The following RBPMS variants were observed in gnomAD, a reference collection of about 807,000 sequenced individuals.
RBPMS encodes RNA-binding protein with multiple splicing.
In RBPMS, 7 loss-of-function variants were observed where a neutral mutation model predicts 26.8. The observed-to-expected ratio is 0.26, with a 90% CI of 0.15 to 0.49. The LOEUF (loss-of-function observed/expected upper bound fraction) is 0.49, where lower values mean the gene tolerates loss of function less well. Ranked by LOEUF, RBPMS falls within the 20% of genes least tolerant of loss-of-function variation. The probability of loss-of-function intolerance (pLI) is 0.98; values close to 1 mark genes in which losing one functional copy is unlikely to be tolerated. For missense variants in RBPMS, 186 were observed against 250.0 expected, an observed-to-expected ratio of 0.74 and a Z score of 1.73; for synonymous variants, 96 against 93.3, an observed-to-expected ratio of 1.03 and a Z score of -0.17.
intron 4 of RBPMS, among the ~76,000 whole-genome samples, chr8:30,490,866 T>C (rs945010308): frequency 2.6e-5 from 4 of 152,306 alleles, no homozygotes; most frequent in Admixed American, 1.3e-4. Flanking sequence ...AGTGGCGAGA[T>C]AGGTTTTGCC....
chr8:30,561,845 G>A (rs971534294), intron 7 of RBPMS: 1 of 984,868 alleles, frequency 1.0e-6, no homozygotes, highest in Admixed American at 6.2e-5. Flanking sequence ...CCACAGAGAA[G>A]ACATCCATTG....
intron 1 of RBPMS, among the ~76,000 whole-genome samples, chr8:30,438,383 A>G (rs1812709501): frequency 6.6e-6 from 1 of 152,236 alleles, no homozygotes; most frequent in African/African-American, 2.4e-5. Flanking sequence ...GGAACCAGGA[A>G]GTGTTGACGT....
At chr8:30,547,070 G>GCAAAGGGAAT (rs1237173926) in intron 6 of RBPMS, among the ~76,000 whole-genome samples, 4 of 152,200 alleles carry the variant, frequency 2.6e-5, no homozygotes, top group Admixed American at 1.3e-4. Flanking sequence ...TGGAGGCAAA[G>GCAAAGGGAAT]CAAAGGGAAT....
chr8:30,511,015 A>T (rs559055484), intron 5 of RBPMS, among the ~76,000 whole-genome samples: 1 of 151,936 alleles, frequency 6.6e-6, no homozygotes, highest in African/African-American at 2.4e-5. Flanking sequence ...TCAACTTCTT[A>T]TTGAAAAAAA....
intron 1 of RBPMS, chr8:30,446,859 G>GTGC (rs1191162236): frequency 6.8e-6 from 1 of 148,008 alleles, no homozygotes; most frequent in African/African-American, 2.6e-5. Context: ...GCGCGCGCGC[G>GTGC]GTGGAGGGTA....
intron 5 of RBPMS, among the ~76,000 whole-genome samples, chr8:30,533,930 G>A (rs1451521169): frequency 2.0e-5 from 3 of 152,004 alleles, no homozygotes; most frequent in African/African-American, 4.8e-5. Context: ...TCAGGAGTTC[G>A]AGACCAGCCT....
At chr8:30,539,347 T>C (rs1825137741) in intron 5 of RBPMS, among the ~76,000 whole-genome samples, 1 of 152,112 alleles carries the variant, frequency 6.6e-6, no homozygotes, top group African/African-American at 2.4e-5. Context: ...AGTGGGGGCA[T>C]CACCCACCCC....
rs541766519 is a variant in RBPMS at position 30,480,852 on chromosome 8, T to A, written c.246+1475T>A. Among the ~76,000 whole-genome samples the A allele has an allele frequency of 2.0e-3, 301 of 152,338 alleles. 2 individuals carry two copies. Among genetic ancestry groups the A allele is most frequent in the African/African-American group, 7.0e-3 (290 of 41,576 alleles). ...TTTTATTTTAACCAGGTGGGAACCT[T>A]CTAAATGCAGAAATATTCTGGGTCC... On this transcript the variant is annotated intron_variant, in intron 4 of 8. Transcript: ENST00000397323.
At chr8:30,385,818 A>T (rs1348429518) in intron 1 of RBPMS, among the ~76,000 whole-genome samples, 4 of 152,182 alleles carry the variant, frequency 2.6e-5, no homozygotes, top group African/African-American at 9.7e-5. Context: ...GGGTATTTTC[A>T]TAGGACTTTG....
intron 4 of RBPMS, among the ~76,000 whole-genome samples, chr8:30,492,659 T>TA (rs1350896145): frequency 2.0e-5 from 3 of 151,994 alleles, no homozygotes; most frequent in African/African-American, 7.2e-5. Context: ...GAAAAAAAAA[T>TA]ACAAGCTACT....
At chr8:30,508,062 T>G (rs1355114585) in intron 5 of RBPMS, among the ~76,000 whole-genome samples, 1 of 152,114 alleles carries the variant, frequency 6.6e-6, no homozygotes, top group Non-Finnish European at 1.5e-5. Flanking sequence ...ATAAGATTTT[T>G]AAAGAGATGA....
In RBPMS at chr8:30,557,322, C is replaced by G. The variant is rs1827025829; in HGVS notation, c.529-1565C>G. ...GGCCGCCTTGTGCTCGGACCAGGGA[C>G]AAGGTCGGGGTGCTGTGTCGGATTT... On this transcript the variant is annotated intron_variant, in intron 6 of 8. Transcript: ENST00000397323. Among the ~76,000 whole-genome samples the G allele has an allele frequency of 2.0e-5, 3 of 152,286 alleles. No individual in the cohort carries two copies. In the South Asian group the frequency reaches 6.2e-4, roughly 32 times the overall value.
intron 5 of RBPMS, among the ~76,000 whole-genome samples, chr8:30,504,734 A>G (rs370158298): frequency 5.3e-5 from 8 of 152,290 alleles, no homozygotes; most frequent in African/African-American, 1.7e-4. Context: ...TGCCTTGGGT[A>G]TAAACCCTTC....
chr8:30,442,497 C>G (rs574321492), intron 1 of RBPMS: 2 of 151,910 alleles, frequency 1.3e-5, no homozygotes, highest in African/African-American at 4.9e-5. Context: ...TTCTGTAAAC[C>G]TTCGCAGCCA....
intron 1 of RBPMS, among the ~76,000 whole-genome samples, chr8:30,421,463 A>G (rs1429929166): frequency 6.6e-6 from 1 of 152,138 alleles, no homozygotes; most frequent in Non-Finnish European, 1.5e-5. Context: ...TGTTTTTGTT[A>G]TGTTTGTGTT....
Position 30,384,600 on chromosome 8 carries a change from C to G in RBPMS, c.-493C>G, listed in dbSNP as rs1477998107. 1 of 157,312 alleles carries G rather than the reference C, an allele frequency of 6.4e-6. No individual in the cohort carries two copies. The highest frequency in any genetic ancestry group is 1.4e-5 in the Non-Finnish European group (1 of 71,866). The allele number at this position is 157,312 out of a possible 1,614,324, so 9.7% of individuals were successfully genotyped here. ...GGGTCCCAGCGTCCCAGCCGCGGCC[C>G]GCGCTCCTCCGCCCCGCTCCTCCTC... On this transcript the variant is annotated 5_prime_UTR_variant, in exon 1 of 9. Coordinates refer to ENST00000397323, the MANE Select transcript of RBPMS (RefSeq NM_001008710.3). This position sits in a 1 kb window ranked among gnomAD's most constrained non-coding sequence, Gnocchi z 5.6.
At chr8:30,421,077 G>A (rs531119086) in intron 1 of RBPMS, among the ~76,000 whole-genome samples, 1 of 152,260 alleles carries the variant, frequency 6.6e-6, no homozygotes, top group Non-Finnish European at 1.5e-5. Flanking sequence ...TGAAGATGAT[G>A]AGCTTAAAAG....
intron 1 of RBPMS, among the ~76,000 whole-genome samples, chr8:30,389,610 A>G (rs1453912077): frequency 6.6e-6 from 1 of 152,112 alleles, no homozygotes; most frequent in African/African-American, 2.4e-5. Flanking sequence ...ACCCTAAGAA[A>G]ACGGTATCAT....
chr8:30,442,411 T>C (rs1301975605), intron 1 of RBPMS, among the ~76,000 whole-genome samples: 1 of 152,208 alleles, frequency 6.6e-6, no homozygotes. Context: ...TGCAGGTTTT[T>C]CTCAGCTCAT....
Sources: gnomAD v4.1 joint callset for allele counts (sites outside exome capture counted in the v4.1 genomes callset) on GRCh38, gnomAD v4.1.1 for gene constraint, Gnocchi (gnomAD v3.1) non-coding constraint, MANE v1.5 for transcripts, NCBI Gene and HGNC (gene_info 2026-07-23, HGNC 2026-07-21) for gene names.